Variants in ZNF385D observed in about 807,000 individuals in gnomAD.
ZNF385D encodes zinc finger protein 385D, also known as zinc finger protein 659.
ZNF385D carries 15 observed loss-of-function variants against 35.8 expected under a neutral mutation model. The ratio of observed to expected loss-of-function variants is 0.42; its 90% CI spans 0.28 to 0.64. The LOEUF (loss-of-function observed/expected upper bound fraction) is 0.64, where lower values mean the gene tolerates loss of function less well. Ranked by LOEUF, ZNF385D falls within the 30% of genes least tolerant of loss-of-function variation. The pLI, the probability that ZNF385D is intolerant of heterozygous loss-of-function variation, is 0.23. For synonymous variants in ZNF385D, 212 were observed against 186.8 expected, an observed-to-expected ratio of 1.13 and a Z score of -1.10; for missense variants, 474 against 494.6, an observed-to-expected ratio of 0.96 and a Z score of 0.39.
intron 3 of ZNF385D, among the ~76,000 whole-genome samples, chr3:22,081,088 G>T (rs533955346): frequency 1.3e-4 from 20 of 151,922 alleles, no homozygotes; most frequent in African/African-American, 4.6e-4. Flanking sequence ...AATTTTTAAA[G>T]GTCAACAACC....
intron 1 of ZNF385D, among the ~76,000 whole-genome samples, chr3:21,669,415 C>T (rs13081644): frequency 3.3e-5 from 5 of 151,952 alleles, no homozygotes; most frequent in African/African-American, 9.7e-5. Flanking sequence ...AATGTTGTTT[C>T]GGTCAATTTA....
intron 2 of ZNF385D, among the ~76,000 whole-genome samples, chr3:21,635,001 A>G (rs1320016871): frequency 6.6e-6 from 1 of 152,086 alleles, no homozygotes; most frequent in Non-Finnish European, 1.5e-5. Flanking sequence ...TTCAAGTTTA[A>G]CTGTGCTATC....
At chr3:21,611,665 G>A (rs1198874267) in intron 2 of ZNF385D, among the ~76,000 whole-genome samples, 2 of 152,068 alleles carry the variant, frequency 1.3e-5, no homozygotes, top group Non-Finnish European at 2.9e-5. Context: ...TGAAGATGTT[G>A]TAAACTAAAC....
At chr3:22,035,956 T>C (rs1698289954) in intron 3 of ZNF385D, among the ~76,000 whole-genome samples, 1 of 151,790 alleles carries the variant, frequency 6.6e-6, no homozygotes, top group Non-Finnish European at 1.5e-5. Flanking sequence ...ATAAAAGACA[T>C]AGTTAAAAAG....
intron 2 of ZNF385D, among the ~76,000 whole-genome samples, chr3:21,620,980 A>G (rs2064989447): frequency 6.6e-6 from 1 of 151,870 alleles, no homozygotes; most frequent in South Asian, 2.1e-4. Flanking sequence ...GCCCACAGGC[A>G]TGCACATGTG....
intron 2 of ZNF385D, among the ~76,000 whole-genome samples, chr3:22,365,315 G>T (rs755545500): frequency 3.3e-5 from 5 of 151,630 alleles, no homozygotes; most frequent in Admixed American, 1.3e-4. Context: ...TTCACTGAGG[G>T]CGAAATATCA....
At chr3:21,489,286 G>T (rs1705246018) in intron 4 of ZNF385D, among the ~76,000 whole-genome samples, 1 of 152,112 alleles carries the variant, frequency 6.6e-6, no homozygotes, top group Non-Finnish European at 1.5e-5. Context: ...CATTCAGATA[G>T]AACTTCTATG....
At chr3:21,790,111 G>A (rs1468041874) in intron 3 of ZNF385D, among the ~76,000 whole-genome samples, 3 of 151,852 alleles carry the variant, frequency 2.0e-5, no homozygotes, top group Non-Finnish European at 4.4e-5. Context: ...CTATGCTCAT[G>A]GATAAAAAGA....
At chr3:21,742,448 C>T (rs974105168) in intron 1 of ZNF385D, among the ~76,000 whole-genome samples, 11 of 152,222 alleles carry the variant, frequency 7.2e-5, no homozygotes, top group African/African-American at 2.7e-4. Flanking sequence ...CTCTGCAGGT[C>T]TTTGGCCAAT....
intron 3 of ZNF385D, among the ~76,000 whole-genome samples, chr3:21,857,801 C>T (rs1388598661): frequency 6.6e-6 from 1 of 151,724 alleles, no homozygotes; most frequent in Non-Finnish European, 1.5e-5. Context: ...AGAGGAGTCA[C>T]CTTTTCAAGG....
At chr3:22,284,984 G>A (rs928398903) in intron 2 of ZNF385D, among the ~76,000 whole-genome samples, 5 of 152,004 alleles carry the variant, frequency 3.3e-5, no homozygotes, top group African/African-American at 9.7e-5. Flanking sequence ...AATAAGCAAA[G>A]AGGAGAAAAA....
Position 22,163,621 on chromosome 3 carries a change from G to A in ZNF385D, c.325+5196C>T, listed in dbSNP as rs149983093. Among the ~76,000 whole-genome samples, 200 of 152,190 alleles carry A rather than the reference G, an allele frequency of 1.3e-3. 1 individual carries two copies. The South Asian group carries it at 0.028, about 21-fold the overall frequency. ...AATATCAAATAATGATATTTTACCTGTTAGGCAATCCTTAAATGACTGCTA... is the reference window on the plus strand; with the variant it reads ...AATATCAAATAATGATATTTTACCTATTAGGCAATCCTTAAATGACTGCTA... On this transcript the variant is annotated intron_variant, in intron 3 of 5. Coordinates refer to the ZNF385D transcript ENST00000494108.
chr3:21,576,984 A>G (rs1194923498), intron 2 of ZNF385D, among the ~76,000 whole-genome samples: 1 of 152,172 alleles, frequency 6.6e-6, no homozygotes, highest in Non-Finnish European at 1.5e-5. Flanking sequence ...CATCACCTCT[A>G]ACATTTATCA....
At chr3:21,593,919 A>T (rs1467863130) in intron 2 of ZNF385D, among the ~76,000 whole-genome samples, 1 of 152,126 alleles carries the variant, frequency 6.6e-6, no homozygotes, top group Non-Finnish European at 1.5e-5. Context: ...CAAAGACCCA[A>T]CTTCACTGCT....
At chr3:22,193,968 G>C (rs1576475693) in intron 2 of ZNF385D, among the ~76,000 whole-genome samples, 1 of 151,798 alleles carries the variant, frequency 6.6e-6, no homozygotes, top group African/African-American at 2.4e-5. Context: ...AATTTTGCTA[G>C]TGAAACAAGT....
At chr3:21,949,235 G>A (rs1701938465) in intron 3 of ZNF385D, among the ~76,000 whole-genome samples, 1 of 152,148 alleles carries the variant, frequency 6.6e-6, no homozygotes, top group African/African-American at 2.4e-5. Context: ...TATCTTCCCT[G>A]ATTTTTCAAT....
intron 3 of ZNF385D, among the ~76,000 whole-genome samples, chr3:22,043,463 ATAAT>A (rs1312809711): frequency 6.6e-6 from 1 of 152,068 alleles, no homozygotes; most frequent in East Asian, 1.9e-4. Flanking sequence ...AAAGGAAAGT[ATAAT>A]TATCAAATTT....
At chr3:21,800,352 A>G (rs2072339336) in intron 3 of ZNF385D, among the ~76,000 whole-genome samples, 1 of 152,200 alleles carries the variant, frequency 6.6e-6, no homozygotes, top group African/African-American at 2.4e-5. Flanking sequence ...CAACCTTAGC[A>G]ATATTAAATC....
intron 2 of ZNF385D, among the ~76,000 whole-genome samples, chr3:22,250,235 C>T (rs1332476837): frequency 6.6e-6 from 1 of 152,002 alleles, no homozygotes; most frequent in East Asian, 1.9e-4. Context: ...AGATATATTT[C>T]CAGTATTCCT....
Sources: allele counts gnomAD v4.1 joint callset (sites outside exome capture counted in the v4.1 genomes callset), GRCh38; gene constraint gnomAD v4.1.1; transcripts MANE v1.5; gene names NCBI Gene and HGNC (gene_info 2026-07-23, HGNC 2026-07-21).